ANKRD54: variants seen among roughly 807,000 people sequenced by gnomAD.
ANKRD54 encodes the protein ankyrin repeat domain 54.
In ANKRD54, 26 loss-of-function variants were observed where a neutral mutation model predicts 36.2. The ratio of observed to expected loss-of-function variants is 0.72; its 90% CI spans 0.53 to 1.00. ANKRD54 has a LOEUF of 1.00. ANKRD54 is among the 50% of genes least tolerant of loss of function. The pLI is 0.00. For synonymous variants in ANKRD54, 209 were observed against 188.4 expected (o/e 1.11, Z -0.89); for missense variants, 384 against 424.3 (o/e 0.91, Z 0.83).
upstream of ANKRD54, among the ~76,000 whole-genome samples, chr22:37,844,808 T>G (rs1924735740): frequency 6.6e-6 from 1 of 152,130 alleles, no homozygotes; most frequent in Non-Finnish European, 1.5e-5. Flanking sequence ...GATCTCGAGA[T>G]GTGCCGGCCT....
rs1923108082 is a variant in ANKRD54 at position 37,833,146 on chromosome 22, AG to A, written c.595+12del. The A allele has an allele frequency of 6.2e-7, 1 of 1,613,948 alleles. No individual in the cohort carries two copies. The highest frequency in any genetic ancestry group is 2.2e-5 in the East Asian group (1 of 44,876). On this transcript the variant is annotated intron_variant, in intron 5 of 7. Coordinates refer to ENST00000215941, the MANE Select transcript of ANKRD54 (RefSeq NM_138797.4). ...GGGGAGAAAGAGGACAGAGAGGGGAAGAAACCACATACCTCCTCGTAGCAGT... is the reference window on the plus strand; with the variant it reads ...GGGGAGAAAGAGGACAGAGAGGGGAAAAACCACATACCTCCTCGTAGCAGT...
upstream of ANKRD54, among the ~76,000 whole-genome samples, chr22:37,847,304 A>G (rs1924893222): frequency 1.3e-5 from 2 of 151,820 alleles, no homozygotes; most frequent in South Asian, 4.2e-4. Context: ...CTGGGACTAC[A>G]GGCATATGCC....
At chr22:37,833,780 A>C in intron 3 of ANKRD54, 25 bp from the exon 4 acceptor site, 1 of 1,611,342 alleles carries the variant, frequency 6.2e-7, no homozygotes. Context: ...ACCCAAGAGG[A>C]GTTGTCGGAG....
rs201359140 is a variant in ANKRD54, at chr22:37,833,050, G to A, written c.628C>T (p.Arg210Cys). 119 of 1,613,706 alleles carry A rather than the reference G, an allele frequency of 7.4e-5. No homozygotes were observed. Among genetic ancestry groups the A allele is most frequent in the Non-Finnish European group, 1.4e-5 (17 of 1,179,894 alleles). ...GACTTGGCCAGGTGCAGGGGTGTGC[G>A]ACCAGCTCGGTCCAGGGCATCTACA... ...ARVDALDRAGRTPLHLAKSKL... is the reference protein window; with the variant it reads ...ARVDALDRAGCTPLHLAKSKL... Residue 210 changes from arginine (R) to cysteine (C), a missense_variant, in exon 6 of 8, where the codon CGC (arginine) becomes TGC (cysteine). Arg to Cys is a radical substitution (Grantham distance 180). Transcript: ENST00000215941.
intron 1 of ANKRD54, among the ~76,000 whole-genome samples, chr22:37,841,703 C>T (rs1225730600): frequency 6.6e-6 from 1 of 151,114 alleles, no homozygotes. Flanking sequence ...CAAAAATTAG[C>T]CAGGCATGGT....
At chr22:37,846,739 C>T (rs982525950), upstream of ANKRD54, among the ~76,000 whole-genome samples, 3 of 152,080 alleles carry the variant, frequency 2.0e-5, no homozygotes, top group African/African-American at 7.2e-5. Flanking sequence ...TGAAAATCTT[C>T]TGACTTCACA....
At position 37,833,877 on chromosome 22, in the gene ANKRD54, G is replaced by A. The variant is rs1439684708; in HGVS notation, c.476-122C>T. Reference sequence around the variant, plus strand: ...ACACGGAATGCAAGCATGGATGGCTGTGTTACTTCATTCATTCACTCACTC... The same window carrying A: ...ACACGGAATGCAAGCATGGATGGCTATGTTACTTCATTCATTCACTCACTC... On this transcript the variant is annotated intron_variant, in intron 3 of 7. Transcript: ENST00000215941. 4 of 810,076 alleles carry A rather than the reference G, an allele frequency of 4.9e-6. No individual in the cohort carries two copies. In the African/African-American group the frequency reaches 5.1e-5, roughly 10 times the overall value. The allele number at this position is 810,076 out of a possible 1,614,324, so 50.2% of individuals were successfully genotyped here.
intron 1 of ANKRD54, chr22:37,843,585 C>G (rs1334906640): frequency 5.3e-6 from 1 of 189,646 alleles, no homozygotes; most frequent in African/African-American, 2.3e-5. Flanking sequence ...CTGGCCTCCC[C>G]TCTCCATGAT....
At position 37,831,830 on chromosome 22, in the gene ANKRD54, GGTCCTCA is replaced by G; in HGVS notation, c.*106_*112del. On this transcript the variant is annotated 3_prime_UTR_variant, in exon 8 of 8. Coordinates refer to ENST00000215941, the MANE Select transcript of ANKRD54 (RefSeq NM_138797.4). Reference sequence around the variant, plus strand: ...CCACGGCATCTGCGGGTGAGGGCAAGGTCCTCACCAGACAAGTGCAGCTCCAAGTCCC... The same window carrying G: ...CCACGGCATCTGCGGGTGAGGGCAAGCCAGACAAGTGCAGCTCCAAGTCCC... The G allele has an allele frequency of 8.9e-7, 1 of 1,124,782 alleles. No individual in the cohort carries two copies. Among genetic ancestry groups the G allele is most frequent in the Non-Finnish European group, 1.3e-6 (1 of 785,630 alleles). The allele number at this position is 1,124,782 out of a possible 1,614,324, so 69.7% of individuals were successfully genotyped here.
At chr22:37,833,890 C>T in intron 3 of ANKRD54, 135 bp from the exon 4 acceptor site, 1 of 733,880 alleles carries the variant, frequency 1.4e-6, no homozygotes, top group Admixed American at 2.2e-5. Context: ...TTACTTCATT[C>T]ATTCACTCAC....
chr22:37,832,002 C>G lies in ANKRD54; in HGVS notation c.844G>C (p.Asp282His), dbSNP rs746502337. The change falls in exon 8 of 8, where the codon GAC becomes CAC. Residue 282 changes from aspartate (D) to histidine (H), a missense_variant. Physicochemically the swap from Asp to His is moderately conservative, Grantham distance 81 (BLOSUM62 -1). Around this residue, in one of 3 missense-constraint regions of ANKRD54, gnomAD observed 179 missense variants for 224.0 expected, o/e 0.80. Transcript: ENST00000215941. The stretch of plus-strand genomic sequence containing the variant: ...AGGGAGGTGAAGCTGGCCAGGAGGT[C>G]AGTCACTTCATCCACCTGCAGGACG... Reference protein sequence around the residue: ...STKEQVDEVTDLLASFTSLSL... With the variant: ...STKEQVDEVTHLLASFTSLSL... The G allele has an allele frequency of 6.2e-7, 1 of 1,613,168 alleles. No individual in the cohort carries two copies. Among genetic ancestry groups the G allele is most frequent in the East Asian group, 2.2e-5 (1 of 44,856 alleles).
upstream of ANKRD54, among the ~76,000 whole-genome samples, chr22:37,845,860 CTCCA>C (rs1393067401): frequency 6.6e-6 from 1 of 150,704 alleles, no homozygotes; most frequent in Non-Finnish European, 1.5e-5. Flanking sequence ...CAGAGCGAGA[CTCCA>C]TCTCAGAAAG....
rs757376212 is a variant in ANKRD54 at position 37,844,286 on chromosome 22, G to C, written c.-48C>G. 1 of 1,529,414 alleles carries C rather than the reference G, an allele frequency of 6.5e-7. No individual in the cohort carries two copies. 94.7% of individuals were successfully genotyped at this position (1,529,414 alleles called of 1,614,324 possible). On this transcript the variant is annotated 5_prime_UTR_variant, in exon 1 of 8. Transcript: ENST00000215941. Reference sequence around the variant, plus strand: ...GGCCGCCTGAGCCTCGTTCCCGACCGACCAACGGACCTACTTCCCTCCGCC... The same window carrying C: ...GGCCGCCTGAGCCTCGTTCCCGACCCACCAACGGACCTACTTCCCTCCGCC...
chr22:37,839,884 G>A (rs964131473), intron 2 of ANKRD54, among the ~76,000 whole-genome samples: 7 of 152,202 alleles, frequency 4.6e-5, no homozygotes, highest in Non-Finnish European at 8.8e-5. Flanking sequence ...CCTACTCTTT[G>A]CAGAAGACTG....
At chr22:37,836,307 G>A (rs1294142838) in intron 3 of ANKRD54, among the ~76,000 whole-genome samples, 3 of 150,452 alleles carry the variant, frequency 2.0e-5, no homozygotes, top group East Asian at 3.9e-4. Context: ...TTAGCCGGGC[G>A]TAGTGGCGCA....
chr22:37,845,021 C>CA (rs10600027), upstream of ANKRD54, among the ~76,000 whole-genome samples: 1,552 of 119,032 alleles, frequency 0.013, 15 homozygotes, highest in Non-Finnish European at 0.015. Context: ...TCAATGAACG[C>CA]AAAAAAAAAA....
chr22:37,833,883 C>T (rs2145959655), intron 3 of ANKRD54, 128 bp from the exon 4 acceptor site: 1 of 777,412 alleles, frequency 1.3e-6, no homozygotes, highest in East Asian at 2.7e-5. Flanking sequence ...GGCTGTGTTA[C>T]TTCATTCATT....
intron 3 of ANKRD54, 55 bp downstream of exon 3, chr22:37,838,445 T>C (rs1408871924): frequency 5.9e-6 from 9 of 1,531,776 alleles, no homozygotes; most frequent in Non-Finnish European, 8.0e-6. Context: ...CCCCAAGGCC[T>C]GTGCAGAGAC....
At chr22:37,846,857 C>CTTTTTT (rs759482944), upstream of ANKRD54, among the ~76,000 whole-genome samples, 11 of 142,780 alleles carry the variant, frequency 7.7e-5, no homozygotes, top group African/African-American at 2.6e-4. Context: ...AATTTCTTTT[C>CTTTTTT]TTTTTTTTTT....
Sources: gnomAD v4.1 joint callset for allele counts (sites outside exome capture counted in the v4.1 genomes callset) on GRCh38, gnomAD v4.1.1 for gene constraint, gnomAD v4.1.1 regional missense constraint, MANE v1.5 for transcripts, NCBI Gene and HGNC (gene_info 2026-07-23, HGNC 2026-07-21) for gene names.